The following NEB variants were observed in gnomAD, a reference collection of about 807,000 sequenced individuals.
NEB encodes nebulin, also known as nemaline myopathy type 2.
Under a neutral mutation model 952.2 loss-of-function variants are expected in NEB, and 512 were observed. That is an observed-to-expected ratio of 0.54 (90% CI 0.50 to 0.58). NEB has a LOEUF of 0.58. Among genes scored for constraint, NEB ranks in the 20% least tolerant of loss-of-function variants. The probability of loss-of-function intolerance (pLI) is 0.00; values close to 1 mark genes in which losing one functional copy is unlikely to be tolerated. For synonymous variants in NEB, 2,900 were observed against 3,149.8 expected (o/e 0.92, Z 2.66); for missense variants, 8,428 against 9,231.1 (o/e 0.91, Z 3.56).
intron 52 of NEB, among the ~76,000 whole-genome samples, chr2:151,652,291 T>C (rs897930334): frequency 2.0e-5 from 3 of 152,182 alleles, no homozygotes; most frequent in Non-Finnish European, 4.4e-5. Context: ...AGTGGTGCGA[T>C]CATGGCTCAC....
rs566059908 is a variant in NEB at position 151,498,965 on chromosome 2, A to G, written c.24114+333T>C. ...AAAGGTTAGAATAAGAAACGAGGAT[A>G]ATAGTCGGATCTTTGCAAAATACAT... On this transcript the variant is annotated intron_variant, in intron 169 of 181. Transcript: ENST00000397345. Among the ~76,000 whole-genome samples, 3 of 152,312 alleles carry G rather than the reference A, an allele frequency of 2.0e-5. No individual in the cohort carries two copies. The South Asian group carries it at 6.2e-4, about 32-fold the overall frequency.
In NEB at chr2:151,644,023, T is replaced by C; in HGVS notation, c.7751A>G (p.Gln2584Arg). ...GTCCTTCTTGTACTCCCTGTCACTC[T>C]GGATCTTGGCCACATGCATGGACCA... ...MMWSMHVAKI[Q>R]SDREYKKDFE... The change falls in exon 57 of 182, where the codon CAG (glutamine) becomes CGG (arginine). Residue 2584 changes from glutamine (Q) to arginine (R), a missense_variant. Coordinates refer to ENST00000397345, the MANE Select transcript of NEB (RefSeq NM_001164508.2). 2.5e-6 allele frequency: 4 copies of C among 1,614,016 alleles called. No homozygotes were observed. The highest frequency in any genetic ancestry group is 3.4e-6 in the Non-Finnish European group (4 of 1,179,888).
intron 73 of NEB, among the ~76,000 whole-genome samples, chr2:151,619,055 T>C (rs2098310333): frequency 6.6e-6 from 1 of 152,240 alleles, no homozygotes; most frequent in Non-Finnish European, 1.5e-5. Context: ...GTATAAAATG[T>C]AAATTAAAGT....
chr2:151,565,407 T>A, intron 116 of NEB, 94 bp downstream of exon 116: 1 of 943,106 alleles, frequency 1.1e-6, no homozygotes, highest in Non-Finnish European at 1.7e-6. Flanking sequence ...CCCAATTTTT[T>A]TACAAGCAAT....
In NEB at chr2:151,691,959, T is replaced by G. The variant is rs1233006419; in HGVS notation, c.2116A>C (p.Lys706Gln). 1.9e-6 allele frequency: 3 copies of G among 1,612,030 alleles called. No homozygotes were observed. The Admixed American group carries it at 5.0e-5, about 27-fold the overall frequency. Residue 706 changes from lysine to glutamine, a missense_variant, in exon 23 of 182, where the codon AAA becomes CAA. Around this residue, in one of 11 missense-constraint regions of NEB, gnomAD observed 2,851 missense variants for 2,791.5 expected, o/e 1.02. Transcript: ENST00000397345. The stretch of plus-strand genomic sequence containing the variant: ...CCTTTATCTTCTTCATATTCTGCTT[T>G]GTAACTTTTCTATAATGAGAAAAAC... ...VAAQNSDKSYKAEYEEDKGKC... is the reference protein window; with the variant it reads ...VAAQNSDKSYQAEYEEDKGKC...
chr2:151,522,709 A>G (rs2082722374), intron 153 of NEB, among the ~76,000 whole-genome samples: 1 of 152,216 alleles, frequency 6.6e-6, no homozygotes, highest in African/African-American at 2.4e-5. Context: ...GACAGAAATA[A>G]TGGCTTGCTG....
At chr2:151,490,657 A>G in intron 179 of NEB, 139 bp from the exon 180 acceptor site, 1 of 1,028,784 alleles carries the variant, frequency 9.7e-7, no homozygotes, top group South Asian at 1.6e-5. Context: ...AAACCCTCAC[A>G]GTTATTCTGA....
intron 45 of NEB, among the ~76,000 whole-genome samples, chr2:151,662,796 C>T (rs991926044): frequency 9.2e-5 from 14 of 152,194 alleles, no homozygotes; most frequent in Non-Finnish European, 1.6e-4. Context: ...TTACAATTCC[C>T]TCAGGTATGC....
chr2:151,554,913 G>A lies in NEB; in HGVS notation c.19428+18C>T. On this transcript the variant is annotated intron_variant, in intron 125 of 181. Transcript: ENST00000397345. ...CAGAATGTATCCTAGTCATTAAGGG[G>A]CGCATGACCGTACTTACATCGATGT... 2.0e-6 allele frequency: 3 copies of A among 1,526,100 alleles called. No individual in the cohort carries two copies. Among genetic ancestry groups the A allele is most frequent in the Non-Finnish European group, 2.7e-6 (3 of 1,099,804 alleles). 94.5% of individuals were successfully genotyped at this position (1,526,100 alleles called of 1,614,324 possible).
At chr2:151,659,243 CAT>C (rs1418758596) in intron 46 of NEB, 74 bp from the exon 47 acceptor site, 2 of 760,918 alleles carry the variant, frequency 2.6e-6, no homozygotes, top group African/African-American at 3.5e-5. Context: ...TATCATTGTA[CAT>C]ATATATCAAT....
At position 151,564,302 on chromosome 2, in the gene NEB, G is replaced by A. The variant is rs551432484; in HGVS notation, c.18472-372C>T. 5.9e-4 allele frequency among the ~76,000 whole-genome samples: 90 copies of A among 151,974 alleles called. 1 individual carries two copies. Among genetic ancestry groups the A allele is most frequent in the African/African-American group, 2.1e-3 (86 of 41,472 alleles). Reference sequence around the variant, plus strand: ...CCAGAGTAGCTGGGATTACACGCACGCACCACTATGCCTGGCTAATTTTTG... The same window carrying A: ...CCAGAGTAGCTGGGATTACACGCACACACCACTATGCCTGGCTAATTTTTG... On this transcript the variant is annotated intron_variant, in intron 117 of 181. Transcript: ENST00000397345.
chr2:151,499,172 A>ATTAAG, intron 169 of NEB, 126 bp downstream of exon 169: 3 of 527,366 alleles, frequency 5.7e-6, no homozygotes, highest in Non-Finnish European at 6.7e-6. Flanking sequence ...AAATGGCAGC[A>ATTAAG]TTAAGTTGGG....
intron 119 of NEB, 80 bp from the exon 120 acceptor site, chr2:151,562,888 C>T (rs1209490099): frequency 2.1e-6 from 2 of 936,956 alleles, no homozygotes; most frequent in Non-Finnish European, 1.6e-6. Context: ...ATCCTTATTT[C>T]CCATATAGAT....
intron 124 of NEB, among the ~76,000 whole-genome samples, chr2:151,559,512 T>C (rs1046945769): frequency 2.6e-5 from 4 of 152,218 alleles, no homozygotes; most frequent in Non-Finnish European, 5.9e-5. Context: ...TGCAGCACTC[T>C]TCACCATAGC....
In NEB at chr2:151,549,616, A is replaced by G. The variant is rs1436840753; in HGVS notation, c.20049+20T>C. On this transcript the variant is annotated intron_variant, in intron 130 of 181. Transcript: ENST00000397345. ...CCACCCCACCTTCAGACCCATCTCA[A>G]TGAGGAGGAGACCACTCACATAACT... 6 of 1,506,482 alleles carry G rather than the reference A, an allele frequency of 4.0e-6. No homozygotes were observed. In the African/African-American group the frequency reaches 4.1e-5, roughly 10 times the overall value. 93.3% of individuals were successfully genotyped at this position (1,506,482 alleles called of 1,614,324 possible).
intron 76 of NEB, 104 bp downstream of exon 76, chr2:151,615,898 T>G: frequency 1.1e-5 from 9 of 839,732 alleles, no homozygotes; most frequent in Non-Finnish European, 1.7e-5. Context: ...TAAAGGGAAT[T>G]GAGACTTATA....
At position 151,708,551 on chromosome 2, in the gene NEB, A is replaced by G. The variant is rs542763719; in HGVS notation, c.1035+1105T>C. On this transcript the variant is annotated intron_variant, in intron 12 of 181. Coordinates refer to ENST00000397345, the MANE Select transcript of NEB (RefSeq NM_001164508.2). ...GGAAGGACCCCAGAGCTCAGCCCCTAAAGTTTTCTGTTTACACTCACTCCC... is the reference window on the plus strand; with the variant it reads ...GGAAGGACCCCAGAGCTCAGCCCCTGAAGTTTTCTGTTTACACTCACTCCC... 6.9e-4 allele frequency among the ~76,000 whole-genome samples: 105 copies of G among 152,232 alleles called. 1 individual carries two copies. Among genetic ancestry groups the G allele is most frequent in the African/African-American group, 2.5e-3 (104 of 41,534 alleles).
In NEB at chr2:151,605,320, G is replaced by A. The variant is rs188499923; in HGVS notation, c.12748-449C>T. ...TCCAGATGGGGAAAACAAGGCACAG[G>A]TGATAATCTCCATCACCAAGCTTCC... On this transcript the variant is annotated intron_variant, in intron 84 of 181. Transcript: ENST00000397345. Among the ~76,000 whole-genome samples, 12 of 125,428 alleles carry A rather than the reference G, an allele frequency of 9.6e-5. 4 individuals carry two copies. The South Asian group carries it at 2.2e-3, about 23-fold the overall frequency. The allele number at this position is 125,428 out of a possible 152,430, so 82.3% of individuals were successfully genotyped here. A position where few individuals can be genotyped will look rare whatever the true frequency, so the allele number is the denominator to read the frequency against.
intron 60 of NEB, among the ~76,000 whole-genome samples, chr2:151,641,318 CTG>C (rs949297651): frequency 3.3e-5 from 5 of 151,972 alleles, no homozygotes; most frequent in African/African-American, 1.2e-4. Context: ...GCACACATGA[CTG>C]TTTTTTTTGT....
Sources: gnomAD v4.1 joint callset for allele counts (sites outside exome capture counted in the v4.1 genomes callset) on GRCh38, gnomAD v4.1.1 for gene constraint, gnomAD v4.1.1 regional missense constraint, MANE v1.5 for transcripts, NCBI Gene and HGNC (gene_info 2026-07-23, HGNC 2026-07-21) for gene names.